ROBO2: variants seen among roughly 807,000 people sequenced by gnomAD.
ROBO2 encodes roundabout guidance receptor 2.
In ROBO2, 53 loss-of-function variants were observed where a neutral mutation model predicts 160.8. The observed-to-expected ratio is 0.33, with a 90% CI of 0.26 to 0.41. ROBO2 has a LOEUF of 0.41. ROBO2 is among the 10% of genes least tolerant of loss of function. The probability of loss-of-function intolerance (pLI) is 1.00; values close to 1 mark genes in which losing one functional copy is unlikely to be tolerated. For synonymous variants in ROBO2, 664 were observed against 611.7 expected (o/e 1.09, Z -1.26); for missense variants, 1,577 against 1,722.4 (o/e 0.92, Z 1.49).
At chr3:76,183,873 C>T (rs1436114495) in intron 2 of ROBO2, among the ~76,000 whole-genome samples, 1 of 152,032 alleles carries the variant, frequency 6.6e-6, no homozygotes, top group Non-Finnish European at 1.5e-5. Context: ...TGCCTGCGTC[C>T]AGATTCTATG....
chr3:76,949,894 C>G lies in ROBO2; in HGVS notation c.110-148120C>G, dbSNP rs200743050. Among the ~76,000 whole-genome samples, 6 of 152,292 alleles carry G rather than the reference C, an allele frequency of 3.9e-5. No homozygotes were observed. In the East Asian group the frequency reaches 1.2e-3, roughly 29 times the overall value. ...TTGTATTTAATCTATCTATTTAATG[C>G]TTAATTCTTTCTGTAAGAACATATA... On this transcript the variant is annotated intron_variant, in intron 2 of 26. Coordinates refer to the ROBO2 transcript ENST00000487694.
chr3:76,581,200 G>C (rs954923719), intron 2 of ROBO2, among the ~76,000 whole-genome samples: 3 of 152,142 alleles, frequency 2.0e-5, no homozygotes, highest in African/African-American at 7.2e-5. Flanking sequence ...TTTGAGTGCT[G>C]ATTTGTATAG....
At chr3:75,933,427 G>A (rs1947629596) in intron 1 of ROBO2, among the ~76,000 whole-genome samples, 1 of 152,110 alleles carries the variant, frequency 6.6e-6, no homozygotes, top group Non-Finnish European at 1.5e-5. Flanking sequence ...AGGCTCACTG[G>A]CACAGCCCAA....
chr3:77,459,433 C>T (rs961357773), intron 2 of ROBO2, among the ~76,000 whole-genome samples: 19 of 152,118 alleles, frequency 1.2e-4, no homozygotes, highest in South Asian at 2.1e-4. Flanking sequence ...ACATTTATTG[C>T]GCACCTACTG....
intron 2 of ROBO2, among the ~76,000 whole-genome samples, chr3:76,256,299 GTCTC>G (rs372215718): frequency 0.049 from 4,478 of 92,202 alleles, 188 homozygotes; most frequent in Non-Finnish European, 0.063. Flanking sequence ...GACAGAGTGA[GTCTC>G]TCTCTCTCTC....
At chr3:77,244,896 A>G (rs1031685462) in intron 2 of ROBO2, among the ~76,000 whole-genome samples, 2 of 150,978 alleles carry the variant, frequency 1.3e-5, no homozygotes, top group Admixed American at 6.6e-5. Context: ...AAAAAAGAAA[A>G]AAAGAAAGAA....
At chr3:77,037,254 T>C (rs1222866644), upstream of ROBO2, among the ~76,000 whole-genome samples, 2 of 152,162 alleles carry the variant, frequency 1.3e-5, no homozygotes, top group Non-Finnish European at 2.9e-5. Flanking sequence ...CAGAGCATTC[T>C]TTTAAAAAAC....
rs3043037 is a variant in ROBO2 at position 76,512,322 on chromosome 3, GTATA to G, written c.109+574733_109+574736del. 7.9e-3 allele frequency among the ~76,000 whole-genome samples: 1,112 copies of G among 140,478 alleles called. 12 individuals carry two copies. Among genetic ancestry groups the G allele is most frequent in the African/African-American group, 0.029 (1,030 of 35,892 alleles). 92.2% of individuals were successfully genotyped at this position (140,478 alleles called of 152,430 possible). The stretch of plus-strand genomic sequence containing the variant: ...GTTGCAGAAATTTATATATATATAT[GTATA>G]TATATATATATAGTGTACTTTAACT... On this transcript the variant is annotated intron_variant, in intron 2 of 26. Coordinates refer to the ROBO2 transcript ENST00000487694.
intron 5 of ROBO2, among the ~76,000 whole-genome samples, chr3:77,507,280 A>G (rs867311303): frequency 2.6e-5 from 4 of 152,202 alleles, no homozygotes; most frequent in African/African-American, 9.6e-5. Context: ...CTTCCACAGC[A>G]TCTCGGACTG....
chr3:76,755,928 T>C (rs943387370), intron 2 of ROBO2, among the ~76,000 whole-genome samples: 5 of 151,812 alleles, frequency 3.3e-5, no homozygotes, highest in African/African-American at 1.2e-4. Flanking sequence ...CATCAGGAGA[T>C]ACTACCCTAC....
intron 2 of ROBO2, among the ~76,000 whole-genome samples, chr3:76,617,029 C>A (rs1401484106): frequency 6.6e-6 from 1 of 152,066 alleles, no homozygotes; most frequent in Non-Finnish European, 1.5e-5. Flanking sequence ...AGAATCAAAC[C>A]TACACAGTGT....
chr3:76,426,727 G>A (rs1259937820), intron 2 of ROBO2, among the ~76,000 whole-genome samples: 2 of 151,430 alleles, frequency 1.3e-5, no homozygotes, highest in Non-Finnish European at 2.9e-5. Flanking sequence ...TAGGTAGAAG[G>A]ATAGATTAGT....
At chr3:76,442,987 T>C (rs1026232275) in intron 2 of ROBO2, among the ~76,000 whole-genome samples, 2 of 151,868 alleles carry the variant, frequency 1.3e-5, no homozygotes. Context: ...AGAAAAAAGG[T>C]TTATTTGGTT....
In ROBO2 at chr3:76,798,593, CAAAAAACTGG is replaced by C. The variant is rs773791395; in HGVS notation, c.110-299419_110-299410del. Among the ~76,000 whole-genome samples, 18 of 152,228 alleles carry C rather than the reference CAAAAAACTGG, an allele frequency of 1.2e-4. 1 individual carries two copies. The South Asian group carries it at 1.2e-3, about 11-fold the overall frequency. Reference sequence around the variant, plus strand: ...AGTATTGCTTCATGATAAAAGCCCTCAAAAAACTGGATATAAGGCTAGGTGCAGTGGCTCA... The same window carrying C: ...AGTATTGCTTCATGATAAAAGCCCTCATATAAGGCTAGGTGCAGTGGCTCA... On this transcript the variant is annotated intron_variant, in intron 2 of 26. Transcript: ENST00000487694.
At chr3:76,233,335 G>T (rs1224139176) in intron 2 of ROBO2, among the ~76,000 whole-genome samples, 1 of 151,920 alleles carries the variant, frequency 6.6e-6, no homozygotes, top group African/African-American at 2.4e-5. Context: ...GTAGAGATGG[G>T]GTTTCACCAC....
At chr3:76,273,300 A>G (rs1395950313) in intron 2 of ROBO2, among the ~76,000 whole-genome samples, 2 of 150,692 alleles carry the variant, frequency 1.3e-5, no homozygotes, top group African/African-American at 2.4e-5. Flanking sequence ...TTTCGAGGCA[A>G]TTATGCTTAG....
chr3:76,952,639 T>A (rs890376718), intron 2 of ROBO2, among the ~76,000 whole-genome samples: 8 of 152,136 alleles, frequency 5.3e-5, no homozygotes, highest in Non-Finnish European at 1.2e-4. Context: ...CATGCAATTA[T>A]CATATATGGC....
intron 2 of ROBO2, among the ~76,000 whole-genome samples, chr3:77,345,060 G>A (rs1371596018): frequency 6.6e-6 from 1 of 151,842 alleles, no homozygotes. Flanking sequence ...TGTGGTTTTA[G>A]CTTGGGAAAC....
rs1033465964 is a variant in ROBO2, at chr3:77,617,417, A to G, written c.3294-96A>G. Reference sequence around the variant, plus strand: ...GAAATAAACCGAGAGAACATTTCAGATACCATGTGGTTGCTACTTATTGCC... The same window carrying G: ...GAAATAAACCGAGAGAACATTTCAGGTACCATGTGGTTGCTACTTATTGCC... On this transcript the variant is annotated intron_variant, in intron 21 of 25. Transcript: ENST00000461745. 6 of 1,362,858 alleles carry G rather than the reference A, an allele frequency of 4.4e-6. No homozygotes were observed. The African/African-American group carries it at 8.6e-5, about 19-fold the overall frequency. The allele number at this position is 1,362,858 out of a possible 1,614,324, so 84.4% of individuals were successfully genotyped here.
Sources: gnomAD v4.1 joint callset for allele counts (sites outside exome capture counted in the v4.1 genomes callset) on GRCh38, gnomAD v4.1.1 for gene constraint, MANE v1.5 for transcripts, NCBI Gene and HGNC (gene_info 2026-07-23, HGNC 2026-07-21) for gene names.